The following CSMD1 variants were observed in gnomAD, a reference collection of about 807,000 sequenced individuals.
CSMD1 encodes CUB and Sushi multiple domains 1.
In CSMD1, 213 loss-of-function variants were observed where a neutral mutation model predicts 417.5. The ratio of observed to expected loss-of-function variants is 0.51; its 90% CI spans 0.46 to 0.57. CSMD1 has a LOEUF of 0.57. Among genes scored for constraint, CSMD1 ranks in the 20% least tolerant of loss-of-function variants. The pLI is 0.00. For synonymous variants in CSMD1, 2,862 were observed against 1,736.8 expected, an observed-to-expected ratio of 1.65 and a Z score of -16.11; for missense variants, 6,923 against 4,529.7, an observed-to-expected ratio of 1.53 and a Z score of -15.17.
rs570048973 is a variant in CSMD1, at chr8:4,124,295, A to G, written c.416-92196T>C. Among the ~76,000 whole-genome samples the G allele has an allele frequency of 4.6e-5, 7 of 152,328 alleles. No individual in the cohort carries two copies. The South Asian group carries it at 6.2e-4, about 14-fold the overall frequency. ...GCAAATTAATAACATCAATTTAAAC[A>G]GTTATAATTCCACAGGATCCTCTAT... On this transcript the variant is annotated intron_variant, in intron 3 of 69. Coordinates refer to ENST00000635120, the MANE Select transcript of CSMD1 (RefSeq NM_033225.6).
At chr8:4,409,412 A>G (rs537421994) in intron 3 of CSMD1, among the ~76,000 whole-genome samples, 3 of 152,300 alleles carry the variant, frequency 2.0e-5, no homozygotes, top group African/African-American at 7.2e-5. Flanking sequence ...TTTTCACCCC[A>G]TATTCTTGTC....
At chr8:3,768,728 C>G (rs775798988) in intron 5 of CSMD1, among the ~76,000 whole-genome samples, 5 of 152,132 alleles carry the variant, frequency 3.3e-5, no homozygotes, top group Non-Finnish European at 4.4e-5. Context: ...TTTATTAACA[C>G]GCAAACCAAA....
At chr8:4,909,092 G>A (rs1204759143) in intron 1 of CSMD1, among the ~76,000 whole-genome samples, 1 of 152,184 alleles carries the variant, frequency 6.6e-6, no homozygotes, top group Non-Finnish European at 1.5e-5. Context: ...GTTGGATTAT[G>A]TTTAATGCTT....
intron 2 of CSMD1, among the ~76,000 whole-genome samples, chr8:4,567,203 C>G (rs1798654717): frequency 6.6e-6 from 1 of 152,140 alleles, no homozygotes; most frequent in Non-Finnish European, 1.5e-5. Flanking sequence ...GTTTATGTCA[C>G]AGAGCATGAA....
At chr8:3,950,966 A>G (rs566838214) in intron 5 of CSMD1, among the ~76,000 whole-genome samples, 400 of 152,342 alleles carry the variant, frequency 2.6e-3, no homozygotes, top group Non-Finnish European at 4.4e-3. Flanking sequence ...GATTCTTTTC[A>G]TCACATAACA....
chr8:3,171,743 A>G lies in CSMD1; in HGVS notation c.5725+9367T>C, dbSNP rs77380386. ...TAATCATAATTTTCAAGTGAGCACA[A>G]CTTGTCAATGAGACAATATACTTCT... is the stretch of plus-strand genomic sequence containing the variant. On this transcript the variant is annotated intron_variant, in intron 37 of 69. Transcript: ENST00000635120. Among the ~76,000 whole-genome samples the G allele has an allele frequency of 2.3e-3, 351 of 152,356 alleles. 2 individuals carry two copies. In the East Asian group the frequency reaches 0.036, roughly 16 times the overall value.
At chr8:3,902,756 C>G (rs908484973) in intron 5 of CSMD1, among the ~76,000 whole-genome samples, 1 of 152,088 alleles carries the variant, frequency 6.6e-6, no homozygotes, top group Non-Finnish European at 1.5e-5. Flanking sequence ...GTACACATTT[C>G]TTTGTATCAA....
At chr8:4,734,446 G>C (rs1467315155) in intron 1 of CSMD1, among the ~76,000 whole-genome samples, 1 of 152,036 alleles carries the variant, frequency 6.6e-6, no homozygotes, top group African/African-American at 2.4e-5. Context: ...AGTTGAATAG[G>C]AATTCTGTGA....
At chr8:4,970,425 A>G (rs1437100346) in intron 1 of CSMD1, among the ~76,000 whole-genome samples, 1 of 152,178 alleles carries the variant, frequency 6.6e-6, no homozygotes, top group Non-Finnish European at 1.5e-5. Flanking sequence ...TTACAAACAT[A>G]ATTCATGAAA....
In CSMD1 at chr8:4,675,818, A is replaced by G. The variant is rs75034666; in HGVS notation, c.86-38260T>C. On this transcript the variant is annotated intron_variant, in intron 1 of 69. Transcript: ENST00000635120. ...CTCTGTTTTCTTTGAACGAAAGCCA[A>G]AGGTACTCTAATCATCACATTTATG... Among the ~76,000 whole-genome samples the G allele has an allele frequency of 2.6e-3, 403 of 152,290 alleles. 2 individuals carry two copies. Among genetic ancestry groups the G allele is most frequent in the African/African-American group, 9.4e-3 (389 of 41,568 alleles).
At chr8:3,217,288 G>A (rs556068034) in intron 29 of CSMD1, among the ~76,000 whole-genome samples, 132 of 152,346 alleles carry the variant, frequency 8.7e-4, no homozygotes, top group African/African-American at 2.9e-3. Context: ...CCACTGGAGA[G>A]CTTTTAAAAC....
At chr8:4,865,507 G>A (rs148635813) in intron 1 of CSMD1, among the ~76,000 whole-genome samples, 35 of 151,752 alleles carry the variant, frequency 2.3e-4, no homozygotes, top group South Asian at 1.0e-3. Flanking sequence ...CTTTAAACAT[G>A]ATGCAACAAT....
chr8:3,362,603 A>G (rs932536664), intron 20 of CSMD1, among the ~76,000 whole-genome samples: 2 of 152,156 alleles, frequency 1.3e-5, no homozygotes, highest in African/African-American at 4.8e-5. Flanking sequence ...CTTTTTCTTT[A>G]ATATGATCCT....
intron 10 of CSMD1, among the ~76,000 whole-genome samples, chr8:3,500,874 C>G (rs886609854): frequency 1.3e-5 from 2 of 152,082 alleles, no homozygotes; most frequent in African/African-American, 4.8e-5. Context: ...GGTATCTTAA[C>G]TAACATGGAT....
At chr8:4,340,209 A>C (rs1025145819) in intron 3 of CSMD1, among the ~76,000 whole-genome samples, 4 of 152,150 alleles carry the variant, frequency 2.6e-5, no homozygotes, top group African/African-American at 9.6e-5. Flanking sequence ...ACCTTCGCCA[A>C]GAAGAGCTTG....
intron 3 of CSMD1, among the ~76,000 whole-genome samples, chr8:4,329,342 G>A (rs143856933): frequency 8.5e-5 from 13 of 152,276 alleles, no homozygotes; most frequent in African/African-American, 2.4e-5. Context: ...AGGCTGGAGT[G>A]CAGTGATGCA....
At chr8:4,486,406 T>C (rs1801420823) in intron 2 of CSMD1, among the ~76,000 whole-genome samples, 1 of 150,982 alleles carries the variant, frequency 6.6e-6, no homozygotes, top group Non-Finnish European at 1.5e-5. Context: ...CCAGGAATCA[T>C]AACATGATTT....
At chr8:3,916,646 C>G (rs987371779) in intron 5 of CSMD1, among the ~76,000 whole-genome samples, 1 of 152,156 alleles carries the variant, frequency 6.6e-6, no homozygotes, top group Non-Finnish European at 1.5e-5. Context: ...GGTACCCTGA[C>G]AGGCAACCCG....
chr8:4,222,246 G>T (rs1299734858), intron 3 of CSMD1, among the ~76,000 whole-genome samples: 2 of 152,066 alleles, frequency 1.3e-5, no homozygotes, highest in African/African-American at 4.8e-5. Context: ...GTTATGATGG[G>T]TCAGCTAATC....
Sources: allele counts gnomAD v4.1 joint callset (sites outside exome capture counted in the v4.1 genomes callset), GRCh38; gene constraint gnomAD v4.1.1; transcripts MANE v1.5; gene names NCBI Gene and HGNC (gene_info 2026-07-23, HGNC 2026-07-21).